TG: variants seen among roughly 807,000 people sequenced by gnomAD.
TG encodes the protein thyroid hormones.
TG carries 270 observed loss-of-function variants against 324.7 expected under a neutral mutation model. That is an observed-to-expected ratio of 0.83 (90% CI 0.75 to 0.92). The LOEUF (loss-of-function observed/expected upper bound fraction) is 0.92, where lower values mean the gene tolerates loss of function less well. Among genes scored for constraint, TG ranks in the 40% least tolerant of loss-of-function variants. The pLI is 0.00. For synonymous variants in TG, 1,401 were observed against 1,327.0 expected, an observed-to-expected ratio of 1.06 and a Z score of -1.21; for missense variants, 3,591 against 3,456.4, an observed-to-expected ratio of 1.04 and a Z score of -0.98.
In TG at chr8:133,096,214, C is replaced by T. The variant is rs148073635; in HGVS notation, c.7413C>T (p.Ala2471=). Residue 2471 remains alanine (A), a synonymous_variant, in exon 43 of 48, where the codon GCC becomes GCT. Transcript: ENST00000220616. The part of the protein sequence containing the change: ...VLNDAQTKLL[A]VSGPFHYWGP... ...TGTTGCATCCAATGCAGCTCCTGGCCGTGAGTGGCCCTTTCCACTACTGGG... is the reference window on the plus strand; with the variant it reads ...TGTTGCATCCAATGCAGCTCCTGGCTGTGAGTGGCCCTTTCCACTACTGGG... 93 of 1,614,100 alleles carry T rather than the reference C, an allele frequency of 5.8e-5. No homozygotes were observed. In the Admixed American group the frequency reaches 1.2e-3, roughly 21 times the overall value.
intron 41 of TG, among the ~76,000 whole-genome samples, chr8:133,053,735 C>T (rs1187288755): frequency 6.6e-6 from 1 of 152,144 alleles, no homozygotes; most frequent in African/African-American, 2.4e-5. Context: ...AGCAAAATCC[C>T]ATTATAAAAA....
chr8:133,014,287 G>C (rs1428445904), intron 37 of TG, among the ~76,000 whole-genome samples: 3 of 152,234 alleles, frequency 2.0e-5, no homozygotes, highest in Non-Finnish European at 4.4e-5. Flanking sequence ...ACACTTCAGA[G>C]AGAGAAGCTG....
chr8:132,988,801 C>T (rs966112877), intron 35 of TG: 4 of 985,420 alleles, frequency 4.1e-6, no homozygotes, highest in Non-Finnish European at 4.8e-6. Flanking sequence ...CGCACCCCTT[C>T]CCTGCTTCCC....
At position 133,058,853 on chromosome 8, in the gene TG, T is replaced by A. The variant is rs568418686; in HGVS notation, c.7239+28830T>A. Among the ~76,000 whole-genome samples the A allele has an allele frequency of 4.6e-4, 70 of 152,346 alleles. 1 individual carries two copies. The highest frequency in any genetic ancestry group is 1.4e-3 in the Admixed American group (22 of 15,300). On this transcript the variant is annotated intron_variant, in intron 41 of 47. Transcript: ENST00000220616. ...TTTGTTTATCCCTCTTGCATTTGGCTTGAGAAGGAGAGTTACTTCACTAGA... is the reference window on the plus strand; with the variant it reads ...TTTGTTTATCCCTCTTGCATTTGGCATGAGAAGGAGAGTTACTTCACTAGA...
intron 41 of TG, chr8:133,040,028 T>TGACG (rs1837910899): frequency 1.3e-6 from 2 of 1,551,790 alleles, no homozygotes; most frequent in Non-Finnish European, 8.7e-7. Flanking sequence ...CACAGTCTTC[T>TGACG]GACGCAAGGT....
chr8:132,906,347 C>G (rs995242352), intron 16 of TG, among the ~76,000 whole-genome samples: 1 of 152,054 alleles, frequency 6.6e-6, no homozygotes, highest in Non-Finnish European at 1.5e-5. Context: ...ATACTAAGTT[C>G]AGGCCTGGAT....
rs778441790 is a variant in TG at position 132,882,961 on chromosome 8, T to C, written c.1037T>C (p.Met346Thr). ...CWCVDAQGKE[M>T]HGTRQQGEPP... ...TGTGTGGACGCCCAGGGGAAGGAAA[T>C]GCATGGAACCCGGCAGCAAGGGGAG... The change falls in exon 8 of 48, where the codon ATG becomes ACG. Residue 346 changes from methionine to threonine, a missense_variant. Met to Thr is a moderately conservative substitution (Grantham distance 81). Coordinates refer to ENST00000220616, the MANE Select transcript of TG (RefSeq NM_003235.5). 2.5e-6 allele frequency: 4 copies of C among 1,613,896 alleles called. No individual in the cohort carries two copies. The highest frequency in any genetic ancestry group is 3.4e-6 in the Non-Finnish European group (4 of 1,179,972).
At chr8:133,065,448 G>A (rs1487695093) in intron 41 of TG, among the ~76,000 whole-genome samples, 1 of 152,166 alleles carries the variant, frequency 6.6e-6, no homozygotes, top group Non-Finnish European at 1.5e-5. Flanking sequence ...AACCCAAGAA[G>A]GCAACAGAAA....
In TG at chr8:132,969,582, T is replaced by C. The variant is rs1829171795; in HGVS notation, c.5975+13T>C. The C allele has an allele frequency of 2.0e-6, 3 of 1,482,218 alleles. No individual in the cohort carries two copies. Among genetic ancestry groups the C allele is most frequent in the South Asian group, 1.1e-5 (1 of 88,426 alleles). 91.8% of individuals were successfully genotyped at this position (1,482,218 alleles called of 1,614,324 possible). Reference sequence around the variant, plus strand: ...CTATTTCTAATGGGTAAGCTACTTGTGTCTCACCCCTAATGTTTATTATGA... The same window carrying C: ...CTATTTCTAATGGGTAAGCTACTTGCGTCTCACCCCTAATGTTTATTATGA... On this transcript the variant is annotated intron_variant, in intron 32 of 47. Transcript: ENST00000220616.
At chr8:132,922,163 G>C (rs187642164) in intron 21 of TG, among the ~76,000 whole-genome samples, 1 of 152,330 alleles carries the variant, frequency 6.6e-6, no homozygotes, top group African/African-American at 2.4e-5. Flanking sequence ...GTGATGTAAT[G>C]AATAGTATAA....
rs753789035 is a variant in TG, at chr8:132,906,812, C to T, written c.3759C>T (p.Ser1253=). 1 of 1,614,226 alleles carries T rather than the reference C, an allele frequency of 6.2e-7. No individual in the cohort carries two copies. Among genetic ancestry groups the T allele is most frequent in the Non-Finnish European group, 8.5e-7 (1 of 1,180,038 alleles). ...QQCQLLCRQG[S]WSVFPPGPLI... ...GCCAATTGCTGTGCCGCCAGGGCTCCTGGAGCGTGTTTCCACCAGGGCCAT... is the reference window on the plus strand; with the variant it reads ...GCCAATTGCTGTGCCGCCAGGGCTCTTGGAGCGTGTTTCCACCAGGGCCAT... The change falls in exon 17 of 48, where the codon TCC becomes TCT. Residue 1253 remains serine, a synonymous_variant. Coordinates refer to ENST00000220616, the MANE Select transcript of TG (RefSeq NM_003235.5).
At chr8:133,018,724 A>G (rs1237376668) in intron 38 of TG, among the ~76,000 whole-genome samples, 1 of 152,156 alleles carries the variant, frequency 6.6e-6, no homozygotes, top group African/African-American at 2.4e-5. Context: ...CTCCTTCCCA[A>G]CTGAATCTCC....
At chr8:132,963,837 G>A (rs1015884826) in intron 29 of TG, among the ~76,000 whole-genome samples, 4 of 152,072 alleles carry the variant, frequency 2.6e-5, no homozygotes, top group Admixed American at 2.0e-4. Context: ...GGAAAAAAAC[G>A]TCATGCTACA....
chr8:132,935,513 T>C (rs886082862), intron 24 of TG, among the ~76,000 whole-genome samples: 1 of 152,158 alleles, frequency 6.6e-6, no homozygotes, highest in Non-Finnish European at 1.5e-5. Flanking sequence ...CTAGCTTCTC[T>C]TTCTGAATGG....
At chr8:132,971,167 T>C (rs1829464573) in intron 32 of TG, among the ~76,000 whole-genome samples, 1 of 152,168 alleles carries the variant, frequency 6.6e-6, no homozygotes, top group Non-Finnish European at 1.5e-5. Context: ...TGAATAGCCC[T>C]AGAAGCTGAG....
chr8:133,002,694 C>G, intron 35 of TG: 1 of 234,576 alleles, frequency 4.3e-6, no homozygotes, highest in South Asian at 7.3e-5. Flanking sequence ...GTGGAGCAAG[C>G]TGGCGCTTCA....
At chr8:132,896,668 T>C (rs562278812) in intron 11 of TG, among the ~76,000 whole-genome samples, 1 of 151,706 alleles carries the variant, frequency 6.6e-6, no homozygotes, top group East Asian at 1.9e-4. Context: ...TCCCACCCGC[T>C]GCCCACCCTT....
intron 41 of TG, among the ~76,000 whole-genome samples, chr8:133,086,325 A>C (rs901432139): frequency 2.0e-5 from 3 of 152,242 alleles, no homozygotes; most frequent in African/African-American, 7.2e-5. Context: ...AAACCATTGA[A>C]TTAAGTGGGT....
Position 132,882,966 on chromosome 8 carries a change from G to A in TG, c.1042G>A (p.Gly348Arg), listed in dbSNP as rs1351081612. 3.1e-6 allele frequency: 5 copies of A among 1,614,094 alleles called. No homozygotes were observed. Among genetic ancestry groups the A allele is most frequent in the Non-Finnish European group, 4.2e-6 (5 of 1,179,976 alleles). ...CVDAQGKEMH[G>R]TRQQGEPPSC... ...GGACGCCCAGGGGAAGGAAATGCAT[G>A]GAACCCGGCAGCAAGGGGAGCCGCC... Residue 348 changes from glycine to arginine, a missense_variant, in exon 8 of 48, where the codon GGA becomes AGA. Coordinates refer to ENST00000220616, the MANE Select transcript of TG (RefSeq NM_003235.5).
Sources: gnomAD v4.1 joint callset for allele counts (sites outside exome capture counted in the v4.1 genomes callset) on GRCh38, gnomAD v4.1.1 for gene constraint, MANE v1.5 for transcripts, NCBI Gene and HGNC (gene_info 2026-07-23, HGNC 2026-07-21) for gene names.